Variants in TEAD1 observed in about 807,000 individuals in gnomAD.
TEAD1 encodes TEA domain transcription factor 1.
TEAD1 carries 9 observed loss-of-function variants against 54.9 expected under a neutral mutation model. The observed-to-expected ratio is 0.16, with a 90% CI of 0.10 to 0.29. The LOEUF (loss-of-function observed/expected upper bound fraction) is 0.29, where lower values mean the gene tolerates loss of function less well. Ranked by LOEUF, TEAD1 falls within the 10% of genes least tolerant of loss-of-function variation. The pLI is 1.00. For synonymous variants in TEAD1, 200 were observed against 187.8 expected (o/e 1.07, Z -0.53); for missense variants, 387 against 535.9 (o/e 0.72, Z 2.74).
intron 2 of TEAD1, among the ~76,000 whole-genome samples, chr11:12,744,776 G>A (rs142440579): frequency 6.6e-6 from 1 of 152,140 alleles, no homozygotes; most frequent in African/African-American, 2.4e-5. Context: ...AGCACATTTG[G>A]AGGTTGTATT....
intron 3 of TEAD1, among the ~76,000 whole-genome samples, chr11:12,789,156 GA>G (rs1216051859): frequency 6.6e-6 from 1 of 152,170 alleles, no homozygotes; most frequent in African/African-American, 2.4e-5. Flanking sequence ...TTGAGGGTTA[GA>G]TGTAACATTA....
intron 9 of TEAD1, among the ~76,000 whole-genome samples, chr11:12,884,766 A>G (rs1948051864): frequency 1.3e-5 from 2 of 152,222 alleles, no homozygotes; most frequent in Non-Finnish European, 2.9e-5. Context: ...GAAAAGGCCA[A>G]CTGGATGACT....
intron 5 of TEAD1, among the ~76,000 whole-genome samples, chr11:12,866,357 T>A (rs1020252687): frequency 6.6e-6 from 1 of 152,214 alleles, no homozygotes; most frequent in African/African-American, 2.4e-5. Flanking sequence ...TCTGTGTGGT[T>A]CCTGTGGACT....
chr11:12,881,763 G>A lies in TEAD1; in HGVS notation c.513-133G>A, dbSNP rs1024774958. 7 of 853,356 alleles carry A rather than the reference G, an allele frequency of 8.2e-6. No homozygotes were observed. The African/African-American group carries it at 9.9e-5, about 12-fold the overall frequency. The allele number at this position is 853,356 out of a possible 1,614,324, so 52.9% of individuals were successfully genotyped here. On this transcript the variant is annotated intron_variant, in intron 7 of 12. Coordinates refer to ENST00000527636, the MANE Select transcript of TEAD1 (RefSeq NM_021961.6). ...TTATGGAACAACTGCCTCTGCCTGG[G>A]GTGTGCTACCACCTGCAGGCAGGGA...
intron 2 of TEAD1, among the ~76,000 whole-genome samples, chr11:12,726,182 G>A (rs1368688845): frequency 6.6e-6 from 1 of 152,180 alleles, no homozygotes; most frequent in Non-Finnish European, 1.5e-5. Flanking sequence ...CACATAGGTG[G>A]GGCACATAAC....
chr11:12,793,148 G>A (rs566871524), intron 3 of TEAD1, among the ~76,000 whole-genome samples: 21 of 150,862 alleles, frequency 1.4e-4, no homozygotes, highest in African/African-American at 4.9e-4. Context: ...ATAAATATAC[G>A]TTATTCAACC....
chr11:12,896,368 A>T (rs986398067), intron 9 of TEAD1, among the ~76,000 whole-genome samples: 1 of 152,122 alleles, frequency 6.6e-6, no homozygotes. Context: ...GTTAGGCCCC[A>T]TCTCTTTTTA....
chr11:12,777,618 T>C (rs1945457727), intron 3 of TEAD1, among the ~76,000 whole-genome samples: 2 of 152,216 alleles, frequency 1.3e-5, no homozygotes, highest in African/African-American at 2.4e-5. Flanking sequence ...CAGTAAAATA[T>C]TGGGGATGAT....
At chr11:12,855,961 AAG>A (rs1589928781) in intron 3 of TEAD1, among the ~76,000 whole-genome samples, 1 of 151,214 alleles carries the variant, frequency 6.6e-6, no homozygotes, top group East Asian at 2.0e-4. Flanking sequence ...AAAAAAAAAA[AAG>A]GAGTGGTGGG....
At chr11:12,829,814 C>G (rs1946734592) in intron 3 of TEAD1, among the ~76,000 whole-genome samples, 1 of 152,168 alleles carries the variant, frequency 6.6e-6, no homozygotes, top group Non-Finnish European at 1.5e-5. Flanking sequence ...TTGTATAATT[C>G]TTGAGACAGG....
At chr11:12,704,248 A>G (rs868030306) in intron 2 of TEAD1, among the ~76,000 whole-genome samples, 1 of 152,146 alleles carries the variant, frequency 6.6e-6, no homozygotes, top group Non-Finnish European at 1.5e-5. Context: ...TCAGTTTGGT[A>G]TGTGAAATTT....
intron 2 of TEAD1, among the ~76,000 whole-genome samples, chr11:12,733,948 C>T (rs944865162): frequency 1.3e-5 from 2 of 152,192 alleles, no homozygotes; most frequent in African/African-American, 4.8e-5. Context: ...GGAACAGGGT[C>T]TTGCTCTGTT....
chr11:12,897,169 G>C, intron 9 of TEAD1, among the ~76,000 whole-genome samples: 1 of 152,062 alleles, frequency 6.6e-6, no homozygotes, highest in Non-Finnish European at 1.5e-5. Flanking sequence ...TATTTGTTTT[G>C]TGCCCCATAG....
chr11:12,840,334 G>C (rs998806464), intron 3 of TEAD1, among the ~76,000 whole-genome samples: 2 of 151,644 alleles, frequency 1.3e-5, no homozygotes, highest in African/African-American at 4.9e-5. Flanking sequence ...CTGAGAGATG[G>C]ATGTTTTCAC....
chr11:12,804,655 G>A (rs1012115252), intron 3 of TEAD1, among the ~76,000 whole-genome samples: 4 of 152,188 alleles, frequency 2.6e-5, no homozygotes, highest in Admixed American at 2.6e-4. Context: ...CTCGGAGTGT[G>A]CAGATAGAGG....
chr11:12,779,298 T>C (rs1590142510), intron 3 of TEAD1, among the ~76,000 whole-genome samples: 1 of 152,166 alleles, frequency 6.6e-6, no homozygotes, highest in East Asian at 1.9e-4. Context: ...TAGGGTGAGT[T>C]TCCAGGATAC....
Position 12,785,124 on chromosome 11 carries a change from C to A in TEAD1, c.202+20690C>A, listed in dbSNP as rs115370028. Among the ~76,000 whole-genome samples the A allele has an allele frequency of 9.7e-3, 1,481 of 152,202 alleles. 20 individuals carry two copies. The highest frequency in any genetic ancestry group is 0.034 in the African/African-American group (1,411 of 41,516). On this transcript the variant is annotated intron_variant, in intron 3 of 12. Transcript: ENST00000527636. ...GTGAGGATGTTTCTGAGCCAGGGCC[C>A]GGGCTCCTGGTGGCCTGTGCCTGGG...
chr11:12,734,301 G>A (rs932588564), intron 2 of TEAD1, among the ~76,000 whole-genome samples: 11 of 152,214 alleles, frequency 7.2e-5, no homozygotes, highest in African/African-American at 2.2e-4. Flanking sequence ...AAATATTTTT[G>A]TATAGCTGTA....
chr11:12,855,194 C>T (rs1482597763), intron 3 of TEAD1, among the ~76,000 whole-genome samples: 2 of 152,232 alleles, frequency 1.3e-5, no homozygotes, highest in African/African-American at 2.4e-5. Flanking sequence ...GTAGACCTCT[C>T]CCAAGACAGT....
Sources: gnomAD v4.1 joint callset for allele counts (sites outside exome capture counted in the v4.1 genomes callset) on GRCh38, gnomAD v4.1.1 for gene constraint, MANE v1.5 for transcripts, NCBI Gene and HGNC (gene_info 2026-07-23, HGNC 2026-07-21) for gene names.